LOC400499: variants seen among roughly 807,000 people sequenced by gnomAD.
chr16:11,381,067 ACTGGACG>A, the LOC400499 span: 1 of 152,164 alleles, frequency 6.6e-6, no homozygotes, highest in South Asian at 2.1e-4. Context: ...TGCACTCGTA[ACTGGACG>A]CTGAAATCAC....
chr16:11,460,854 G>T, the LOC400499 span: 1 of 1,374,586 alleles, frequency 7.3e-7, no homozygotes, highest in Non-Finnish European at 9.6e-7. Context: ...AATGACTAAT[G>T]GAAAACCCCG....
chr16:11,524,136 C>T, the LOC400499 span, among the ~76,000 whole-genome samples: 1 of 34,268 alleles, frequency 2.9e-5, no homozygotes, highest in Non-Finnish European at 6.1e-5. Context: ...ATCCATCCAC[C>T]CACCCCCCCA....
At chr16:11,396,593 T>A in the LOC400499 span, 1 of 1,232,062 alleles carries the variant, frequency 8.1e-7, no homozygotes. Context: ...GTGGTCTGGG[T>A]CTGGTGCAAG....
chr16:11,422,971 G>T, the LOC400499 span, among the ~76,000 whole-genome samples: 1 of 152,328 alleles, frequency 6.6e-6, no homozygotes, highest in East Asian at 1.9e-4. Context: ...ATCAGGTTGA[G>T]CTGATGCCCC....
At chr16:11,407,970 G>GTTTTTTTTTTTTTTTTTTTTTTTT in the LOC400499 span, among the ~76,000 whole-genome samples, 1 of 63,416 alleles carries the variant, frequency 1.6e-5, no homozygotes, top group African/African-American at 5.9e-5. Flanking sequence ...TTCCAGAGCT[G>GTTTTTTTTTTTTTTTTTTTTTTTT]TTTTTTTTTT....
the LOC400499 span, among the ~76,000 whole-genome samples, chr16:11,437,327 G>A: frequency 6.6e-6 from 1 of 152,194 alleles, no homozygotes; most frequent in Admixed American, 6.5e-5. Flanking sequence ...TGGAGACCAA[G>A]GCAGGAGGAC....
At chr16:11,378,986 G>A in the LOC400499 span, among the ~76,000 whole-genome samples, 6 of 152,180 alleles carry the variant, frequency 3.9e-5, no homozygotes, top group South Asian at 2.1e-4. Flanking sequence ...GTATTGGGCC[G>A]GGTGCAGTGG....
At chr16:11,441,539 C>A in the LOC400499 span, among the ~76,000 whole-genome samples, 6 of 152,204 alleles carry the variant, frequency 3.9e-5, no homozygotes, top group Non-Finnish European at 8.8e-5. Flanking sequence ...ACGATGACAT[C>A]CATGTCCTCA....
the LOC400499 span, among the ~76,000 whole-genome samples, chr16:11,484,068 C>T: frequency 4.3e-5 from 5 of 115,292 alleles, no homozygotes; most frequent in Non-Finnish European, 6.5e-5. Flanking sequence ...AGTGCAGTGG[C>T]GTGATTTCGG....
the LOC400499 span, among the ~76,000 whole-genome samples, chr16:11,458,637 T>C: frequency 6.6e-6 from 1 of 152,162 alleles, no homozygotes; most frequent in Non-Finnish European, 1.5e-5. Context: ...AGTCAGCATT[T>C]CCTGGTTATA....
the LOC400499 span, among the ~76,000 whole-genome samples, chr16:11,400,959 T>C: frequency 6.6e-6 from 1 of 152,060 alleles, no homozygotes; most frequent in South Asian, 2.1e-4. Context: ...TCCCCAAAGC[T>C]ACCACTAAAC....
the LOC400499 span, chr16:11,391,853 C>T: frequency 3.0e-4 from 370 of 1,228,530 alleles, no homozygotes; most frequent in African/African-American, 5.0e-3. Context: ...GGGTGCCTGC[C>T]GGCTGCACCT....
the LOC400499 span, chr16:11,425,383 C>T: frequency 2.5e-6 from 1 of 399,260 alleles, no homozygotes; most frequent in African/African-American, 2.1e-5. Context: ...TCATGCTGGT[C>T]CCGCAGGAGG....
chr16:11,460,817 G>T, the LOC400499 span: 1 of 1,203,768 alleles, frequency 8.3e-7, no homozygotes, highest in Non-Finnish European at 1.1e-6. Flanking sequence ...TAATGGGCAG[G>T]TATTCAGTCC....
the LOC400499 span, among the ~76,000 whole-genome samples, chr16:11,478,883 G>A: frequency 3.3e-5 from 5 of 152,174 alleles, no homozygotes; most frequent in African/African-American, 1.2e-4. Flanking sequence ...ATGGGGCTCA[G>A]GAGATTCTAT....
chr16:11,493,848 G>A, the LOC400499 span: 10 of 72,328 alleles, frequency 1.4e-4, no homozygotes, highest in African/African-American at 9.9e-4. Flanking sequence ...GGGGGGCGGG[G>A]CAGTGGCGTG....
At chr16:11,459,808 G>C in the LOC400499 span, 2 of 1,211,732 alleles carry the variant, frequency 1.7e-6, no homozygotes, top group African/African-American at 1.6e-5. Flanking sequence ...CTTGTAGCCA[G>C]GGCCAGAGGG....
At chr16:11,504,422 G>T in the LOC400499 span, among the ~76,000 whole-genome samples, 2 of 152,048 alleles carry the variant, frequency 1.3e-5, no homozygotes, top group Non-Finnish European at 2.9e-5. Context: ...CAGGCGTGGT[G>T]TTGCATGCTT....
the LOC400499 span, among the ~76,000 whole-genome samples, chr16:11,410,818 G>A: frequency 6.6e-6 from 1 of 152,246 alleles, no homozygotes; most frequent in African/African-American, 2.4e-5. Context: ...AGGGACAGAG[G>A]AACCTGGCCT....
Sources: gnomAD v4.1 joint callset for allele counts (sites outside exome capture counted in the v4.1 genomes callset) on GRCh38, gnomAD v4.1.1 for gene constraint, MANE v1.5 for transcripts.